Variants in PARD3B observed in about 807,000 individuals in gnomAD.
PARD3B encodes partitioning defective 3 homolog B.
A neutral mutation model predicts 130.2 loss-of-function variants in PARD3B; 103 were observed. That is an observed-to-expected ratio of 0.79 (90% CI 0.67 to 0.93). The LOEUF (loss-of-function observed/expected upper bound fraction) is 0.93. Ranked by LOEUF, PARD3B falls within the 40% of genes least tolerant of loss-of-function variation. The pLI, the probability that PARD3B is intolerant of heterozygous loss-of-function variation, is 0.00. For synonymous variants in PARD3B, 583 were observed against 553.2 expected, an observed-to-expected ratio of 1.05 and a Z score of -0.76; for missense variants, 1,609 against 1,499.2, an observed-to-expected ratio of 1.07 and a Z score of -1.21.
chr2:205,008,434 GT>G (rs1260747714), intron 3 of PARD3B, among the ~76,000 whole-genome samples: 1 of 151,680 alleles, frequency 6.6e-6, no homozygotes, highest in African/African-American at 2.4e-5. Context: ...AAATTTGTTT[GT>G]TTTCCTTTAA....
chr2:204,646,575 G>A (rs184579764), intron 1 of PARD3B, among the ~76,000 whole-genome samples: 1 of 152,066 alleles, frequency 6.6e-6, no homozygotes, highest in Non-Finnish European at 1.5e-5. Flanking sequence ...TTGTGAACAG[G>A]GTTGTGATGA....
chr2:204,662,774 T>C (rs1187906404), intron 1 of PARD3B, among the ~76,000 whole-genome samples: 1 of 152,208 alleles, frequency 6.6e-6, no homozygotes, highest in Non-Finnish European at 1.5e-5. Context: ...TCTGCCATTA[T>C]TCATGCTAAG....
chr2:205,233,584 G>A (rs536937001), intron 15 of PARD3B, among the ~76,000 whole-genome samples: 1 of 152,232 alleles, frequency 6.6e-6, no homozygotes, highest in South Asian at 2.1e-4. Flanking sequence ...CACAGAGGCT[G>A]TGAGGGGAGA....
chr2:204,605,787 T>C (rs1001789951), intron 1 of PARD3B, among the ~76,000 whole-genome samples: 3 of 152,162 alleles, frequency 2.0e-5, no homozygotes, highest in African/African-American at 7.2e-5. Flanking sequence ...TACAATGTCA[T>C]TAGAATGTGC....
chr2:205,010,780 A>G (rs1022130431), intron 3 of PARD3B, among the ~76,000 whole-genome samples: 3 of 152,090 alleles, frequency 2.0e-5, no homozygotes, highest in African/African-American at 7.2e-5. Context: ...TTATCCCTAA[A>G]GTTCTGAAAA....
chr2:204,910,061 A>G (rs955231181), intron 2 of PARD3B, among the ~76,000 whole-genome samples: 1 of 152,158 alleles, frequency 6.6e-6, no homozygotes, highest in Non-Finnish European at 1.5e-5. Context: ...TGGACCTCCA[A>G]TATTGAGCTT....
At chr2:205,237,933 G>C (rs1377683897) in intron 15 of PARD3B, among the ~76,000 whole-genome samples, 3 of 152,080 alleles carry the variant, frequency 2.0e-5, no homozygotes, top group Non-Finnish European at 4.4e-5. Flanking sequence ...CTAGGAACTT[G>C]TCTGAAAATT....
At chr2:204,895,508 A>G (rs964298235) in intron 2 of PARD3B, among the ~76,000 whole-genome samples, 2 of 152,108 alleles carry the variant, frequency 1.3e-5, no homozygotes, top group Non-Finnish European at 2.9e-5. Flanking sequence ...TTAAATTTAT[A>G]TTAATTTATT....
intron 2 of PARD3B, among the ~76,000 whole-genome samples, chr2:204,838,791 TATGA>T (rs2044153887): frequency 6.6e-6 from 1 of 152,166 alleles, no homozygotes; most frequent in South Asian, 2.1e-4. Context: ...TCTTTAAAAG[TATGA>T]ATGTATTAAA....
chr2:204,567,367 T>G (rs1025038352), intron 1 of PARD3B, among the ~76,000 whole-genome samples: 25 of 152,236 alleles, frequency 1.6e-4, no homozygotes, highest in Non-Finnish European at 3.2e-4. Flanking sequence ...AAATAATAAC[T>G]CCCTATTCCC....
intron 4 of PARD3B, among the ~76,000 whole-genome samples, chr2:205,099,492 A>G (rs1255890571): frequency 6.6e-6 from 1 of 152,194 alleles, no homozygotes; most frequent in Non-Finnish European, 1.5e-5. Context: ...TCATTTTTAG[A>G]CATGTGCAAT....
At chr2:204,925,461 G>A (rs1256115387) in intron 2 of PARD3B, among the ~76,000 whole-genome samples, 1 of 152,034 alleles carries the variant, frequency 6.6e-6, no homozygotes, top group Non-Finnish European at 1.5e-5. Flanking sequence ...TTGAGTCCAT[G>A]TGACGAAAAC....
At chr2:205,002,779 C>T (rs1370703825) in intron 3 of PARD3B, among the ~76,000 whole-genome samples, 1 of 152,192 alleles carries the variant, frequency 6.6e-6, no homozygotes, top group South Asian at 2.1e-4. Flanking sequence ...AGAGGAAAAG[C>T]CACATTTCTT....
At chr2:204,651,592 G>C (rs1299215560) in intron 1 of PARD3B, among the ~76,000 whole-genome samples, 1 of 152,202 alleles carries the variant, frequency 6.6e-6, no homozygotes. Flanking sequence ...GGTATAAGCT[G>C]TCAGTGGATC....
chr2:204,989,884 A>G (rs1693499326), intron 3 of PARD3B, among the ~76,000 whole-genome samples: 2 of 152,112 alleles, frequency 1.3e-5, no homozygotes, highest in African/African-American at 4.8e-5. Context: ...ATAACTATAA[A>G]CCACCTTCTT....
chr2:205,432,009 ATAT>A (rs964375782), intron 19 of PARD3B, among the ~76,000 whole-genome samples: 18 of 152,228 alleles, frequency 1.2e-4, no homozygotes, highest in South Asian at 4.1e-4. Context: ...TATATCACTA[ATAT>A]TATTATTGAT....
intron 2 of PARD3B, among the ~76,000 whole-genome samples, chr2:204,717,473 G>A (rs1401768800): frequency 1.3e-5 from 2 of 152,018 alleles, no homozygotes; most frequent in African/African-American, 4.8e-5. Flanking sequence ...TCCCTGTCAC[G>A]TGAACAAGTG....
At chr2:204,953,449 A>AGAGAGAGAGAGAGAGAGG (rs1689976800) in intron 2 of PARD3B, among the ~76,000 whole-genome samples, 2 of 150,062 alleles carry the variant, frequency 1.3e-5, no homozygotes, top group African/African-American at 4.9e-5. Flanking sequence ...AGAGAGAGAG[A>AGAGAGAGAGAGAGAGAGG]GAGAGAGAGA....
chr2:205,118,184 T>C (rs1012309146), intron 6 of PARD3B, among the ~76,000 whole-genome samples: 1 of 152,332 alleles, frequency 6.6e-6, no homozygotes, highest in East Asian at 1.9e-4. Context: ...ATTAAGTTCA[T>C]TGGCTGTTTG....
Sources: allele counts gnomAD v4.1 joint callset (sites outside exome capture counted in the v4.1 genomes callset), GRCh38; gene constraint gnomAD v4.1.1; transcripts MANE v1.5; gene names NCBI Gene and HGNC (gene_info 2026-07-23, HGNC 2026-07-21).